Variants in ADGRL3 observed in about 807,000 individuals in gnomAD.
ADGRL3 encodes adhesion G protein-coupled receptor L3.
ADGRL3 carries 62 observed loss-of-function variants against 153.5 expected under a neutral mutation model. That is an observed-to-expected ratio of 0.40 (90% CI 0.33 to 0.50). ADGRL3 has a LOEUF of 0.50. Ranked by LOEUF, ADGRL3 falls within the 20% of genes least tolerant of loss-of-function variation. ADGRL3 has a pLI of 0.47. For missense variants in ADGRL3, 1,641 were observed against 1,859.4 expected (o/e 0.88, Z 2.16); for synonymous variants, 710 against 672.5 (o/e 1.06, Z -0.86).
At chr4:61,249,137 G>GT (rs945714147) in intron 1 of ADGRL3, among the ~76,000 whole-genome samples, 30 of 152,244 alleles carry the variant, frequency 2.0e-4, no homozygotes, top group African/African-American at 6.0e-4. Flanking sequence ...TGAAGTACGG[G>GT]TTTTTTTGCA....
chr4:61,809,933 T>A (rs1391277491), intron 8 of ADGRL3, among the ~76,000 whole-genome samples: 2 of 152,128 alleles, frequency 1.3e-5, no homozygotes, highest in Non-Finnish European at 2.9e-5. Context: ...GTTGTTATAA[T>A]CCTCATTAAA....
chr4:61,945,806 C>T (rs552156556), intron 15 of ADGRL3, among the ~76,000 whole-genome samples: 2 of 151,980 alleles, frequency 1.3e-5, no homozygotes, highest in African/African-American at 4.8e-5. Flanking sequence ...GCGCACGGTG[C>T]GCACACACAC....
chr4:61,240,189 T>C (rs548243658), intron 1 of ADGRL3, among the ~76,000 whole-genome samples: 3 of 152,106 alleles, frequency 2.0e-5, no homozygotes, highest in Admixed American at 1.3e-4. Context: ...GGGTGAATAC[T>C]GTATCCTCAC....
At chr4:61,438,935 C>G (rs2097491540) in intron 2 of ADGRL3, among the ~76,000 whole-genome samples, 1 of 151,950 alleles carries the variant, frequency 6.6e-6, no homozygotes, top group Non-Finnish European at 1.5e-5. Context: ...TCTCGATCGC[C>G]TGACCTCATG....
intron 23 of ADGRL3, 96 bp from the exon 24 acceptor site, chr4:62,037,635 T>C: frequency 1.6e-6 from 2 of 1,280,002 alleles, no homozygotes; most frequent in Non-Finnish European, 2.3e-6. Context: ...AGGAAATAAT[T>C]ACATTATCTA....
intron 1 of ADGRL3, among the ~76,000 whole-genome samples, chr4:61,208,598 G>A (rs150113790): frequency 4.6e-5 from 7 of 151,920 alleles, no homozygotes; most frequent in South Asian, 4.2e-4. Flanking sequence ...AAAGATAATC[G>A]ACTTTATTTT....
intron 4 of ADGRL3, among the ~76,000 whole-genome samples, chr4:61,519,741 G>C (rs764837449): frequency 1.3e-5 from 2 of 152,072 alleles, no homozygotes; most frequent in Non-Finnish European, 2.9e-5. Context: ...GGAGGAATTT[G>C]AACAAGAAAA....
intron 8 of ADGRL3, among the ~76,000 whole-genome samples, chr4:61,812,118 T>C (rs1303902192): frequency 6.6e-6 from 1 of 152,192 alleles, no homozygotes; most frequent in Non-Finnish European, 1.5e-5. Flanking sequence ...CAAGAGGTGA[T>C]TTTATAATTA....
In ADGRL3 at chr4:61,979,524, G is replaced by A. The variant is rs530392048; in HGVS notation, c.2806-39G>A. The A allele has an allele frequency of 4.5e-6, 7 of 1,547,598 alleles. No individual in the cohort carries two copies. The African/African-American group carries it at 8.1e-5, about 18-fold the overall frequency. On this transcript the variant is annotated intron_variant, in intron 17 of 26. Transcript: ENST00000683033. ...CTTATAAAACTTTGTAATTGGTTATGCATAAGCGCAACTTATGGCTTTTTC... is the reference window on the plus strand; with the variant it reads ...CTTATAAAACTTTGTAATTGGTTATACATAAGCGCAACTTATGGCTTTTTC...
In ADGRL3 at chr4:61,679,253, G is replaced by A. The variant is rs572196774; in HGVS notation, c.583+2318G>A. Among the ~76,000 whole-genome samples the A allele has an allele frequency of 1.9e-3, 295 of 152,058 alleles. 1 individual carries two copies. The highest frequency in any genetic ancestry group is 6.8e-3 in the African/African-American group (281 of 41,488). ...AGTTCTTATGTGAATTCATTACCACGGGGAGGCCTTCAAGCCATTTATGAG... is the reference window on the plus strand; with the variant it reads ...AGTTCTTATGTGAATTCATTACCACAGGGAGGCCTTCAAGCCATTTATGAG... On this transcript the variant is annotated intron_variant, in intron 6 of 26. Transcript: ENST00000683033.
At chr4:62,044,634 G>C in intron 25 of ADGRL3, 85 bp downstream of exon 25, 1 of 860,924 alleles carries the variant, frequency 1.2e-6, no homozygotes, top group Non-Finnish European at 1.8e-6. Context: ...TGCAACTTCT[G>C]AACCTGTTCC....
chr4:61,460,622 G>A (rs1560672840), intron 2 of ADGRL3, among the ~76,000 whole-genome samples: 1 of 152,108 alleles, frequency 6.6e-6, no homozygotes. Flanking sequence ...CCGAGACTGG[G>A]TAATATATAA....
intron 5 of ADGRL3, among the ~76,000 whole-genome samples, chr4:61,655,518 T>G (rs1268839637): frequency 6.6e-6 from 1 of 152,134 alleles, no homozygotes. Context: ...AAAAATACAC[T>G]TTGAAAAAAA....
intron 17 of ADGRL3, among the ~76,000 whole-genome samples, chr4:61,955,899 G>A (rs2098964372): frequency 6.6e-6 from 1 of 152,242 alleles, no homozygotes; most frequent in Non-Finnish European, 1.5e-5. Flanking sequence ...GTATTTCATG[G>A]TGCATATGTA....
chr4:62,071,093 A>G lies in ADGRL3; in HGVS notation c.*185A>G, dbSNP rs1745529104. ...TTAGGTCAGCCCAGGGGAGAAAGAT[A>G]ACTGCTAAAATTCCCCTGTACCCCA... On this transcript the variant is annotated 3_prime_UTR_variant, in exon 27 of 27. Coordinates refer to ENST00000683033, the MANE Select transcript of ADGRL3 (RefSeq NM_001387552.1). 3.7e-6 allele frequency: 2 copies of G among 547,896 alleles called. No homozygotes were observed. Among genetic ancestry groups the G allele is most frequent in the African/African-American group, 1.9e-5 (1 of 53,248 alleles). 33.9% of individuals were successfully genotyped at this position (547,896 alleles called of 1,614,324 possible). A position where few individuals can be genotyped will look rare whatever the true frequency, so the allele number is the denominator to read the frequency against.
At chr4:61,913,331 T>C (rs547915599) in intron 13 of ADGRL3, among the ~76,000 whole-genome samples, 29 of 152,302 alleles carry the variant, frequency 1.9e-4, no homozygotes, top group African/African-American at 6.5e-4. Context: ...CAATAAACCA[T>C]ACCTATGTTT....
intron 9 of ADGRL3, among the ~76,000 whole-genome samples, chr4:61,814,146 T>A (rs975373139): frequency 1.8e-4 from 27 of 152,096 alleles, no homozygotes; most frequent in African/African-American, 6.5e-4. Flanking sequence ...AGTGGAGGAC[T>A]AGTTGAATAC....
intron 25 of ADGRL3, among the ~76,000 whole-genome samples, chr4:62,062,899 C>T (rs1193116328): frequency 6.6e-6 from 1 of 151,982 alleles, no homozygotes; most frequent in Non-Finnish European, 1.5e-5. Flanking sequence ...AGTATGCTTA[C>T]CATGGTGTAC....
At chr4:61,878,826 CTT>C (rs2098491716) in intron 9 of ADGRL3, among the ~76,000 whole-genome samples, 2 of 152,066 alleles carry the variant, frequency 1.3e-5, no homozygotes, top group Non-Finnish European at 1.5e-5. Flanking sequence ...TTTACATTCC[CTT>C]GTGTGAAGAT....
Sources: gnomAD v4.1 joint callset for allele counts (sites outside exome capture counted in the v4.1 genomes callset) on GRCh38, gnomAD v4.1.1 for gene constraint, MANE v1.5 for transcripts, NCBI Gene and HGNC (gene_info 2026-07-23, HGNC 2026-07-21) for gene names.